ZMYND8: variants seen among roughly 807,000 people sequenced by gnomAD.
The protein encoded by ZMYND8 is MYND-type zinc finger-containing chromatin reader ZMYND8.
In ZMYND8, 37 loss-of-function variants were observed where a neutral mutation model predicts 140.8. That is an observed-to-expected ratio of 0.26 (90% CI 0.20 to 0.35). The LOEUF is 0.35. Ranked by LOEUF, ZMYND8 falls within the 10% of genes least tolerant of loss-of-function variation. ZMYND8 has a pLI of 1.00. For synonymous variants in ZMYND8, 592 were observed against 597.1 expected (o/e 0.99, Z 0.12); for missense variants, 1,068 against 1,570.0 (o/e 0.68, Z 5.40).
intron 7 of ZMYND8, among the ~76,000 whole-genome samples, chr20:47,287,848 A>ACACACACACT (rs1556005053): frequency 3.4e-4 from 51 of 151,132 alleles, no homozygotes; most frequent in Admixed American, 9.2e-4. Flanking sequence ...ACACACACAC[A>ACACACACACT]CACGCACACA....
intron 2 of ZMYND8, among the ~76,000 whole-genome samples, chr20:47,312,825 C>G (rs1482729560): frequency 6.6e-6 from 1 of 151,840 alleles, no homozygotes; most frequent in African/African-American, 2.4e-5. Flanking sequence ...AGGTGCAGCC[C>G]GGGGTGAGCA....
At chr20:47,318,474 C>T (rs2079595834) in intron 2 of ZMYND8, 2 of 346,506 alleles carry the variant, frequency 5.8e-6, no homozygotes, top group Non-Finnish European at 1.1e-5. Context: ...CATAAAGAGA[C>T]AAAAGTCCGG....
At chr20:47,256,402 G>A (rs1431546233) in intron 12 of ZMYND8, among the ~76,000 whole-genome samples, 4 of 152,094 alleles carry the variant, frequency 2.6e-5, no homozygotes, top group African/African-American at 7.2e-5. Context: ...AGTGGATCAC[G>A]AGGTCAGGAG....
chr20:47,339,852 C>T (rs1283828139), intron 2 of ZMYND8, among the ~76,000 whole-genome samples: 1 of 152,190 alleles, frequency 6.6e-6, no homozygotes, highest in African/African-American at 2.4e-5. Flanking sequence ...TCTTTATCAT[C>T]CCCATTTACA....
At chr20:47,211,509 G>A (rs1298517866) in intron 22 of ZMYND8, among the ~76,000 whole-genome samples, 1 of 152,182 alleles carries the variant, frequency 6.6e-6, no homozygotes, top group Middle Eastern at 3.2e-3. Context: ...TAAGACCTAG[G>A]ATGGCTTCAA....
chr20:47,251,738 C>T (rs967692448), intron 12 of ZMYND8, among the ~76,000 whole-genome samples: 8 of 151,978 alleles, frequency 5.3e-5, no homozygotes, highest in Admixed American at 1.3e-4. Flanking sequence ...AAGGGAGGAG[C>T]GCCTCTGCCC....
At chr20:47,279,054 C>T (rs2147828828) in intron 10 of ZMYND8, among the ~76,000 whole-genome samples, 1 of 152,222 alleles carries the variant, frequency 6.6e-6, no homozygotes, top group South Asian at 2.1e-4. Context: ...CCCCCCTGAC[C>T]TGCTCCACAC....
intron 12 of ZMYND8, among the ~76,000 whole-genome samples, chr20:47,261,354 C>T (rs6018369): frequency 0.66 from 99,694 of 151,828 alleles, 34,124 homozygotes; most frequent in African/African-American, 0.87. Context: ...CTGGGCAACA[C>T]AGCAAGACCC....
At chr20:47,231,026 T>A (rs1199093114) in intron 16 of ZMYND8, among the ~76,000 whole-genome samples, 2 of 152,210 alleles carry the variant, frequency 1.3e-5, no homozygotes, top group Non-Finnish European at 2.9e-5. Flanking sequence ...TTTACAGATA[T>A]GGCTGGTTTG....
intron 4 of ZMYND8, among the ~76,000 whole-genome samples, chr20:47,295,040 A>C (rs2077552059): frequency 6.6e-6 from 1 of 152,222 alleles, no homozygotes; most frequent in South Asian, 2.1e-4. Flanking sequence ...AGATGTGGCT[A>C]AACAGGGGCC....
intron 4 of ZMYND8, among the ~76,000 whole-genome samples, chr20:47,296,652 G>GCATTAA (rs780848360): frequency 9.2e-4 from 140 of 152,210 alleles, no homozygotes; most frequent in Non-Finnish European, 1.5e-3. Context: ...ACTAGTGCTT[G>GCATTAA]CATTAACAAC....
intron 12 of ZMYND8, among the ~76,000 whole-genome samples, chr20:47,252,167 G>A (rs1381673686): frequency 6.6e-6 from 1 of 151,570 alleles, no homozygotes; most frequent in African/African-American, 2.4e-5. Flanking sequence ...GGTGGTGGGT[G>A]CCTGTAATCC....
intron 4 of ZMYND8, 28 bp from the exon 5 acceptor site, chr20:47,294,807 T>G (rs1302825131): frequency 6.2e-7 from 1 of 1,600,678 alleles, no homozygotes; most frequent in South Asian, 1.1e-5. Context: ...TACATAAACG[T>G]CCGGTTAGAA....
chr20:47,317,634 G>A (rs2079515675), intron 2 of ZMYND8, among the ~76,000 whole-genome samples: 1 of 152,220 alleles, frequency 6.6e-6, no homozygotes, highest in Admixed American at 6.5e-5. Context: ...GCTGAGACAG[G>A]CATGACAGGC....
intron 11 of ZMYND8, among the ~76,000 whole-genome samples, chr20:47,266,233 T>C (rs1312411864): frequency 7.2e-6 from 1 of 138,334 alleles, no homozygotes; most frequent in Non-Finnish European, 1.5e-5. Context: ...ACCCACCTGG[T>C]GGCTCAAGGC....
intron 14 of ZMYND8, among the ~76,000 whole-genome samples, chr20:47,241,608 A>G (rs1328243079): frequency 6.6e-6 from 1 of 152,062 alleles, no homozygotes; most frequent in African/African-American, 2.4e-5. Flanking sequence ...AGCAGCACGT[A>G]GAGGCGATGA....
At chr20:47,220,163 T>C in intron 21 of ZMYND8, 95 bp downstream of exon 21, 1 of 1,177,302 alleles carries the variant, frequency 8.5e-7, no homozygotes, top group Non-Finnish European at 1.2e-6. Flanking sequence ...TGGAAACCAT[T>C]GGAATAAACC....
chr20:47,313,650 G>T (rs1255314063), intron 2 of ZMYND8, among the ~76,000 whole-genome samples: 2 of 151,088 alleles, frequency 1.3e-5, no homozygotes, highest in Admixed American at 1.3e-4. Context: ...ATAATAATTA[G>T]GCTGGGGACG....
At chr20:47,332,643 A>G (rs1297620777) in intron 2 of ZMYND8, among the ~76,000 whole-genome samples, 1 of 151,932 alleles carries the variant, frequency 6.6e-6, no homozygotes, top group African/African-American at 2.4e-5. Context: ...CCAGAAGTTC[A>G]TGGCTGCAGT....
Sources: allele counts gnomAD v4.1 joint callset (sites outside exome capture counted in the v4.1 genomes callset), GRCh38; gene constraint gnomAD v4.1.1; transcripts MANE v1.5; gene names NCBI Gene and HGNC (gene_info 2026-07-23, HGNC 2026-07-21).